ADAMTSL3: variants seen among roughly 807,000 people sequenced by gnomAD.
ADAMTSL3 encodes the protein ADAMTS like 3.
In ADAMTSL3, 128 loss-of-function variants were observed where a neutral mutation model predicts 201.7. That is an observed-to-expected ratio of 0.63 (90% CI 0.55 to 0.73). The LOEUF (loss-of-function observed/expected upper bound fraction) is 0.73. Ranked by LOEUF, ADAMTSL3 falls within the 30% of genes least tolerant of loss-of-function variation. The pLI is 0.00. For synonymous variants in ADAMTSL3, 738 were observed against 748.4 expected, an observed-to-expected ratio of 0.99 and a Z score of 0.23; for missense variants, 1,990 against 2,119.6, an observed-to-expected ratio of 0.94 and a Z score of 1.20.
At chr15:83,716,523 A>G (rs2062021480) in intron 3 of ADAMTSL3, among the ~76,000 whole-genome samples, 1 of 151,938 alleles carries the variant, frequency 6.6e-6, no homozygotes, top group Non-Finnish European at 1.5e-5. Flanking sequence ...CTCAAAAAAA[A>G]AAAAAAAGGA....
Position 83,899,738 on chromosome 15 carries a change from C to T in ADAMTSL3, c.1700+7C>T. 6.2e-7 allele frequency: 1 copy of T among 1,609,196 alleles called. No individual in the cohort carries two copies. The highest frequency in any genetic ancestry group is 8.5e-7 in the Non-Finnish European group (1 of 1,177,378). On this transcript the variant is annotated splice_region_variant and intron_variant, in intron 15 of 29. Coordinates refer to ENST00000286744, the MANE Select transcript of ADAMTSL3 (RefSeq NM_207517.3). ...TAGCAACAGAAGAACCAACGTGAGT[C>T]CAGGACCTTTTGTAGGAATAATCAG...
In ADAMTSL3 at chr15:84,016,403, A is replaced by T. The variant is rs1257794489; in HGVS notation, c.4177A>T (p.Arg1393Ter). The T allele has an allele frequency of 6.2e-7, 1 of 1,614,024 alleles. No individual in the cohort carries two copies. Among genetic ancestry groups the T allele is most frequent in the South Asian group, 1.1e-5 (1 of 91,072 alleles). The change falls in exon 25 of 30, where the codon AGA becomes TGA. Residue 1393 changes from arginine (R) to a stop codon, truncating the protein, a stop_gained. Transcript: ENST00000286744. LOFTEE classifies it high-confidence loss of function. ...CTCAGAACGAAGATGGCCAGAGAGT[A>T]GAATCGTATTTCTGCAAGGACATAA... ...HLLERRWPESRIVFLQGHKKY... is the reference protein window; with the variant it reads ...HLLERRWPES
intron 9 of ADAMTSL3, among the ~76,000 whole-genome samples, chr15:83,883,319 C>T (rs1457153883): frequency 2.6e-5 from 4 of 151,320 alleles, no homozygotes; most frequent in Non-Finnish European, 5.9e-5. Flanking sequence ...ATTACAGGCA[C>T]GTGCCACCAC....
At chr15:83,737,931 T>G (rs1249083476) in intron 3 of ADAMTSL3, among the ~76,000 whole-genome samples, 2 of 152,206 alleles carry the variant, frequency 1.3e-5, no homozygotes, top group Non-Finnish European at 1.5e-5. Context: ...AGAGACACTA[T>G]TAAGCCCTGA....
chr15:83,981,069 T>C (rs538830964), intron 20 of ADAMTSL3, among the ~76,000 whole-genome samples: 1 of 152,350 alleles, frequency 6.6e-6, no homozygotes, highest in South Asian at 2.1e-4. Context: ...CCAGTATCTC[T>C]TCTGCCACTC....
At chr15:84,009,720 C>T (rs1242961156) in intron 23 of ADAMTSL3, among the ~76,000 whole-genome samples, 4 of 152,130 alleles carry the variant, frequency 2.6e-5, no homozygotes, top group Non-Finnish European at 2.9e-5. Flanking sequence ...AAAAGGTCAC[C>T]GACTCCTGAA....
At chr15:83,913,058 T>G in intron 15 of ADAMTSL3, 34 bp from the exon 16 acceptor site, 1 of 1,603,764 alleles carries the variant, frequency 6.2e-7, no homozygotes, top group Non-Finnish European at 8.5e-7. Context: ...TGACCCTCAG[T>G]GTCCTTTTCT....
chr15:83,893,865 G>T (rs1218181118), intron 13 of ADAMTSL3, among the ~76,000 whole-genome samples: 2 of 152,164 alleles, frequency 1.3e-5, no homozygotes, highest in Non-Finnish European at 2.9e-5. Context: ...TAATTTTCTA[G>T]AGAGTGAGAT....
chr15:83,702,581 G>A (rs1164310263), intron 2 of ADAMTSL3, among the ~76,000 whole-genome samples: 1 of 152,240 alleles, frequency 6.6e-6, no homozygotes, highest in East Asian at 1.9e-4. Flanking sequence ...AGGGGCCAAT[G>A]TAGAGCTCGG....
At chr15:83,770,476 A>G (rs1488601357) in intron 3 of ADAMTSL3, among the ~76,000 whole-genome samples, 1 of 152,162 alleles carries the variant, frequency 6.6e-6, no homozygotes, top group Admixed American at 6.5e-5. Context: ...TTACTGGTAC[A>G]TTTTGCGTAT....
chr15:83,739,435 T>C (rs1323864603), intron 3 of ADAMTSL3, among the ~76,000 whole-genome samples: 1 of 150,206 alleles, frequency 6.7e-6, no homozygotes, highest in Non-Finnish European at 1.5e-5. Flanking sequence ...TAAAACACAG[T>C]CAAAACTTTG....
intron 2 of ADAMTSL3, among the ~76,000 whole-genome samples, chr15:83,673,803 T>G (rs1386430967): frequency 6.6e-6 from 1 of 152,156 alleles, no homozygotes. Flanking sequence ...CCTGATAAGG[T>G]CAAGAAAGAA....
intron 17 of ADAMTSL3, among the ~76,000 whole-genome samples, chr15:83,929,067 T>C (rs897215811): frequency 2.0e-5 from 3 of 152,246 alleles, no homozygotes; most frequent in Non-Finnish European, 4.4e-5. Flanking sequence ...CTCTGATCCA[T>C]GTGCACACAC....
rs755112219 is a variant in ADAMTSL3 at position 83,970,657 on chromosome 15, G to A, written c.2644+20G>A. ...GCAGTAGTAAGTATGCGGTGTCCGC[G>A]CTTCACCAAGATATGCTGATTCTGT... On this transcript the variant is annotated intron_variant, in intron 20 of 29. Transcript: ENST00000286744. The A allele has an allele frequency of 1.2e-5, 19 of 1,612,192 alleles. No individual in the cohort carries two copies. Among genetic ancestry groups the A allele is most frequent in the African/African-American group, 5.3e-5 (4 of 74,848 alleles).
At chr15:83,871,456 A>G (rs577604047) in intron 9 of ADAMTSL3, among the ~76,000 whole-genome samples, 1 of 152,320 alleles carries the variant, frequency 6.6e-6, no homozygotes, top group East Asian at 1.9e-4. Flanking sequence ...CTTGCAAAGG[A>G]GAGCAGAGAC....
At chr15:83,709,820 G>A (rs756014442) in intron 3 of ADAMTSL3, among the ~76,000 whole-genome samples, 4 of 152,038 alleles carry the variant, frequency 2.6e-5, no homozygotes, top group Non-Finnish European at 4.4e-5. Flanking sequence ...TGGAAGGTGT[G>A]TCCTCCCAGA....
intron 13 of ADAMTSL3, among the ~76,000 whole-genome samples, chr15:83,893,333 T>G (rs974630805): frequency 6.7e-6 from 1 of 148,910 alleles, no homozygotes; most frequent in Non-Finnish European, 1.5e-5. Context: ...TGGGTTAGGG[T>G]TAGTGTTAGG....
At chr15:83,741,775 T>A (rs1038720956) in intron 3 of ADAMTSL3, among the ~76,000 whole-genome samples, 2 of 152,108 alleles carry the variant, frequency 1.3e-5, no homozygotes, top group African/African-American at 4.8e-5. Flanking sequence ...AGCGAGAGGA[T>A]CACTTCCATC....
At chr15:83,940,485 G>A (rs1596444866) in intron 17 of ADAMTSL3, among the ~76,000 whole-genome samples, 1 of 152,070 alleles carries the variant, frequency 6.6e-6, no homozygotes. Flanking sequence ...CAAGCTCCCT[G>A]GTGTCTCTTT....
Sources: allele counts gnomAD v4.1 joint callset (sites outside exome capture counted in the v4.1 genomes callset), GRCh38; gene constraint gnomAD v4.1.1; transcripts MANE v1.5; gene names NCBI Gene and HGNC (gene_info 2026-07-23, HGNC 2026-07-21).